Variants in TBCK observed in about 807,000 individuals in gnomAD.
TBCK encodes TBC domain-containing protein kinase-like protein.
In TBCK, 99 loss-of-function variants were observed where a neutral mutation model predicts 113.4. The observed-to-expected ratio is 0.87, with a 90% CI of 0.74 to 1.03. The LOEUF is 1.03. Ranked by LOEUF, TBCK falls within the 50% of genes least tolerant of loss-of-function variation. TBCK has a pLI of 0.00. For missense variants in TBCK, 1,045 were observed against 1,061.3 expected (o/e 0.98, Z 0.21); for synonymous variants, 369 against 370.8 (o/e 1.00, Z 0.05).
chr4:106,191,947 A>C (rs1419827666), intron 22 of TBCK, among the ~76,000 whole-genome samples: 1 of 152,164 alleles, frequency 6.6e-6, no homozygotes, highest in Non-Finnish European at 1.5e-5. Flanking sequence ...AAGCAAGATA[A>C]CATCTCTTGA....
At chr4:106,085,763 A>C (rs1028227511) in intron 25 of TBCK, among the ~76,000 whole-genome samples, 1 of 152,260 alleles carries the variant, frequency 6.6e-6, no homozygotes, top group African/African-American at 2.4e-5. Context: ...CTCAGAACAC[A>C]GTTCAATCAA....
intron 25 of TBCK, among the ~76,000 whole-genome samples, chr4:106,074,330 T>A (rs1315974890): frequency 6.6e-6 from 1 of 152,270 alleles, no homozygotes. Flanking sequence ...CTAGAACTTT[T>A]TTATTATCAT....
At chr4:106,241,797 A>T (rs1760173888) in intron 12 of TBCK, among the ~76,000 whole-genome samples, 1 of 152,002 alleles carries the variant, frequency 6.6e-6, no homozygotes, top group Non-Finnish European at 1.5e-5. Flanking sequence ...ATATAAAAAC[A>T]TTATAAAACA....
chr4:106,163,660 A>T (rs1750050742), intron 23 of TBCK: 2 of 152,170 alleles, frequency 1.3e-5, no homozygotes, highest in South Asian at 4.1e-4. Flanking sequence ...GAGCCAAGCA[A>T]AGGAGAAAGT....
chr4:106,293,385 T>C (rs1765926386), intron 3 of TBCK, among the ~76,000 whole-genome samples: 2 of 152,190 alleles, frequency 1.3e-5, no homozygotes, highest in African/African-American at 4.8e-5. Context: ...TAGAACCTTC[T>C]AGTTGCAGGA....
Position 106,169,056 on chromosome 4 carries a change from GA to G in TBCK, c.2235+2038del, listed in dbSNP as rs934056822. On this transcript the variant is annotated intron_variant, in intron 23 of 25. Transcript: ENST00000394708. Reference sequence around the variant, plus strand: ...GTATAATGCAAATATTCCAAAATCAGAACAAATAAAATATCTGAAGCACTTT... The same window carrying G: ...GTATAATGCAAATATTCCAAAATCAGACAAATAAAATATCTGAAGCACTTT... Among the ~76,000 whole-genome samples the G allele has an allele frequency of 5.9e-4, 89 of 152,102 alleles. 3 individuals are homozygous for G. Among genetic ancestry groups the G allele is most frequent in the Admixed American group, 1.7e-3 (26 of 15,264 alleles).
intron 23 of TBCK, among the ~76,000 whole-genome samples, chr4:106,122,064 C>CA (rs1744466617): frequency 6.6e-6 from 1 of 152,044 alleles, no homozygotes; most frequent in African/African-American, 2.4e-5. Context: ...AAAAACCCTT[C>CA]AAAAAATTAC....
intron 20 of TBCK, among the ~76,000 whole-genome samples, chr4:106,209,273 A>G (rs535325823): frequency 1.3e-5 from 2 of 152,266 alleles, no homozygotes; most frequent in South Asian, 4.1e-4. Context: ...GTTATTGAGT[A>G]ATTCACTCAC....
rs750071982 is a variant in TBCK at position 106,242,574 on chromosome 4, A to G, written c.1071-5T>C. 1.3e-6 allele frequency: 2 copies of G among 1,586,738 alleles called. No homozygotes were observed. Among genetic ancestry groups the G allele is most frequent in the Non-Finnish European group, 1.7e-6 (2 of 1,169,688 alleles). ...TCACCATCCTCAAAGAGAAAACTGA[A>G]AAGAAATTTTTAAAAATAATATGTA... is the stretch of plus-strand genomic sequence containing the variant. On this transcript the variant is annotated splice_polypyrimidine_tract_variant and splice_region_variant and intron_variant, in intron 11 of 25. Coordinates refer to ENST00000394708, the MANE Select transcript of TBCK (RefSeq NM_001163435.3).
intron 19 of TBCK, among the ~76,000 whole-genome samples, chr4:106,226,291 G>A (rs1758237450): frequency 6.6e-6 from 1 of 152,146 alleles, no homozygotes; most frequent in African/African-American, 2.4e-5. Flanking sequence ...AAAATTTTGG[G>A]AGGAAGATAA....
At chr4:106,076,375 C>G (rs1738192488) in intron 25 of TBCK, among the ~76,000 whole-genome samples, 1 of 152,146 alleles carries the variant, frequency 6.6e-6, no homozygotes, top group African/African-American at 2.4e-5. Flanking sequence ...AATGACATAG[C>G]AACATAAATT....
intron 24 of TBCK, among the ~76,000 whole-genome samples, chr4:106,105,449 C>A (rs1742037930): frequency 1.3e-5 from 2 of 152,170 alleles, no homozygotes; most frequent in African/African-American, 4.8e-5. Flanking sequence ...CAGTGGGCAG[C>A]CCAGGAGTGC....
At chr4:106,314,994 A>T (rs1023700515) in intron 1 of TBCK, among the ~76,000 whole-genome samples, 7 of 152,190 alleles carry the variant, frequency 4.6e-5, no homozygotes, top group African/African-American at 1.7e-4. Context: ...AAACACAATG[A>T]TCGAAAAAGA....
intron 24 of TBCK, among the ~76,000 whole-genome samples, chr4:106,112,801 C>T (rs141050377): frequency 3.6e-3 from 542 of 152,302 alleles, no homozygotes; most frequent in Non-Finnish European, 5.8e-3. Context: ...TAGAACATCA[C>T]TGTTTGACCA....
chr4:106,068,998 T>G (rs1256342536), intron 25 of TBCK, among the ~76,000 whole-genome samples: 1 of 152,172 alleles, frequency 6.6e-6, no homozygotes, highest in African/African-American at 2.4e-5. Flanking sequence ...GTTGTTTGAT[T>G]TTTTCTTGTA....
At chr4:106,127,111 G>C (rs1388324677) in intron 23 of TBCK, among the ~76,000 whole-genome samples, 1 of 151,582 alleles carries the variant, frequency 6.6e-6, no homozygotes, top group African/African-American at 2.4e-5. Flanking sequence ...GGGAGGCTGA[G>C]GCAGGAGAAT....
At chr4:106,083,536 C>A (rs1175457529) in intron 25 of TBCK, among the ~76,000 whole-genome samples, 1 of 152,200 alleles carries the variant, frequency 6.6e-6, no homozygotes, top group Non-Finnish European at 1.5e-5. Context: ...CCAGGCAGCT[C>A]AGACGAGTGG....
intron 25 of TBCK, among the ~76,000 whole-genome samples, chr4:106,047,712 G>A (rs1262014836): frequency 6.6e-6 from 1 of 152,078 alleles, no homozygotes; most frequent in Non-Finnish European, 1.5e-5. Flanking sequence ...CTGGCAGATG[G>A]TAGGGGCTCA....
intron 19 of TBCK, among the ~76,000 whole-genome samples, chr4:106,213,974 C>T (rs1462887310): frequency 6.6e-6 from 1 of 152,176 alleles, no homozygotes; most frequent in African/African-American, 2.4e-5. Flanking sequence ...CTCTGTCTGA[C>T]AGCTTTGAAG....
Sources: gnomAD v4.1 joint callset for allele counts (sites outside exome capture counted in the v4.1 genomes callset) on GRCh38, gnomAD v4.1.1 for gene constraint, MANE v1.5 for transcripts, NCBI Gene and HGNC (gene_info 2026-07-23, HGNC 2026-07-21) for gene names.